The following GABRB1 variants were observed in gnomAD, a reference collection of about 807,000 sequenced individuals.
The protein encoded by GABRB1 is gamma-aminobutyric acid type A receptor subunit beta1, also known as gamma-aminobutyric acid receptor subunit beta-1.
In GABRB1, 17 loss-of-function variants were observed where a neutral mutation model predicts 51.6. That is an observed-to-expected ratio of 0.33 (90% CI 0.23 to 0.49). GABRB1 has a LOEUF of 0.49. Ranked by LOEUF, GABRB1 falls within the 20% of genes least tolerant of loss-of-function variation. The pLI is 0.99. For synonymous variants in GABRB1, 247 were observed against 218.9 expected, an observed-to-expected ratio of 1.13 and a Z score of -1.14; for missense variants, 410 against 600.6, an observed-to-expected ratio of 0.68 and a Z score of 3.32.
chr4:47,298,219 T>C (rs1724091231), intron 4 of GABRB1, among the ~76,000 whole-genome samples: 1 of 152,150 alleles, frequency 6.6e-6, no homozygotes, highest in South Asian at 2.1e-4. Context: ...CTATTCAACA[T>C]AGAGTTGGAA....
chr4:47,136,527 T>A (rs544164314), intron 3 of GABRB1, among the ~76,000 whole-genome samples: 219 of 145,774 alleles, frequency 1.5e-3, no homozygotes, highest in African/African-American at 5.2e-3. Flanking sequence ...TAAAAAAAAA[T>A]ATATAAAAAC....
chr4:47,379,781 T>C (rs1727529866), intron 5 of GABRB1, among the ~76,000 whole-genome samples: 1 of 152,206 alleles, frequency 6.6e-6, no homozygotes, highest in South Asian at 2.1e-4. Context: ...GAATTAGTAA[T>C]ATGAAATAAT....
chr4:47,097,904 T>C (rs1009199042), intron 3 of GABRB1, among the ~76,000 whole-genome samples: 1 of 152,184 alleles, frequency 6.6e-6, no homozygotes, highest in African/African-American at 2.4e-5. Context: ...TCAAGATCTC[T>C]GAGTATTCAA....
In GABRB1 at chr4:47,145,539, G is replaced by GGAGA. The variant is rs144525427; in HGVS notation, c.241-15697_241-15694dup. On this transcript the variant is annotated intron_variant, in intron 3 of 8. Transcript: ENST00000295454. ...AAACTTATCGCCCCAGAAAGAAAAT[G>GGAGA]GAGAGAGAGAGAGAGATTGTTCTGT... 8.6e-5 allele frequency among the ~76,000 whole-genome samples: 13 copies of GGAGA among 151,664 alleles called. 1 individual carries two copies. The highest frequency in any genetic ancestry group is 2.9e-4 in the African/African-American group (12 of 41,428).
intron 4 of GABRB1, among the ~76,000 whole-genome samples, chr4:47,291,015 A>G (rs1295668293): frequency 6.6e-6 from 1 of 152,212 alleles, no homozygotes; most frequent in African/African-American, 2.4e-5. Flanking sequence ...AATTCCCAAG[A>G]CAATGGGGAA....
rs16859924 is a variant in GABRB1 at position 47,141,256 on chromosome 4, C to T, written c.241-19993C>T. Among the ~76,000 whole-genome samples the T allele has an allele frequency of 3.9e-3, 591 of 152,030 alleles. 6 individuals are homozygous for T. Among genetic ancestry groups the T allele is most frequent in the African/African-American group, 0.013 (539 of 41,526 alleles). On this transcript the variant is annotated intron_variant, in intron 3 of 8. Transcript: ENST00000295454. ...AACTTCTCCATTTCTCATCGTTGTT[C>T]CCGTCCATCAGCCTGCTTCATTCTT...
At chr4:47,016,778 C>T (rs561736817) in intron 1 of GABRB1, among the ~76,000 whole-genome samples, 1 of 152,030 alleles carries the variant, frequency 6.6e-6, no homozygotes, top group South Asian at 2.1e-4. Flanking sequence ...TTAGTAGAGA[C>T]AGGGTTTCAC....
intron 5 of GABRB1, among the ~76,000 whole-genome samples, chr4:47,345,772 G>A (rs949180606): frequency 3.3e-5 from 5 of 152,050 alleles, no homozygotes; most frequent in Admixed American, 6.5e-5. Context: ...GGTTATAGTC[G>A]AAATACAGGA....
intron 8 of GABRB1, among the ~76,000 whole-genome samples, chr4:47,414,481 A>G (rs1728852590): frequency 6.6e-6 from 1 of 152,214 alleles, no homozygotes; most frequent in Non-Finnish European, 1.5e-5. Flanking sequence ...GGAGGCAATC[A>G]GATATGCATT....
At chr4:47,300,929 C>T (rs1724236205) in intron 4 of GABRB1, among the ~76,000 whole-genome samples, 1 of 152,134 alleles carries the variant, frequency 6.6e-6, no homozygotes, top group African/African-American at 2.4e-5. Context: ...TTATCTGTCA[C>T]CCAAAGAGTA....
At chr4:47,374,755 G>GT (rs998278484) in intron 5 of GABRB1, among the ~76,000 whole-genome samples, 11 of 151,902 alleles carry the variant, frequency 7.2e-5, no homozygotes, top group East Asian at 1.9e-4. Context: ...CTGAAGGCAA[G>GT]TTTTTTTTTC....
chr4:47,358,562 A>G (rs966362447), intron 5 of GABRB1, among the ~76,000 whole-genome samples: 2 of 152,082 alleles, frequency 1.3e-5, no homozygotes, highest in African/African-American at 4.8e-5. Flanking sequence ...AGGCAGTCTG[A>G]ATGCCAAATT....
At chr4:47,316,556 A>G (rs900640311) in intron 4 of GABRB1, among the ~76,000 whole-genome samples, 3 of 152,016 alleles carry the variant, frequency 2.0e-5, no homozygotes, top group African/African-American at 7.2e-5. Flanking sequence ...CCTATGCCCC[A>G]TGTTAACACA....
chr4:47,259,868 T>A (rs909720266), intron 4 of GABRB1, among the ~76,000 whole-genome samples: 1 of 152,166 alleles, frequency 6.6e-6, no homozygotes, highest in Non-Finnish European at 1.5e-5. Context: ...TATTCCAAAT[T>A]ATAAATAATG....
chr4:47,249,513 C>T (rs1227581208), intron 4 of GABRB1, among the ~76,000 whole-genome samples: 2 of 151,814 alleles, frequency 1.3e-5, no homozygotes, highest in South Asian at 2.1e-4. Flanking sequence ...TCTGTATATG[C>T]CTGTTAATTA....
At chr4:47,417,878 A>G (rs1728979813) in intron 8 of GABRB1, among the ~76,000 whole-genome samples, 1 of 152,236 alleles carries the variant, frequency 6.6e-6, no homozygotes, top group African/African-American at 2.4e-5. Flanking sequence ...CAATTACACT[A>G]AAATGAGTTC....
intron 5 of GABRB1, among the ~76,000 whole-genome samples, chr4:47,398,862 C>T (rs1003034954): frequency 1.3e-5 from 2 of 152,198 alleles, no homozygotes; most frequent in South Asian, 2.1e-4. Flanking sequence ...GCTATCTCGG[C>T]TCACTGCAAG....
intron 3 of GABRB1, among the ~76,000 whole-genome samples, chr4:47,104,883 A>C (rs907957162): frequency 6.6e-6 from 1 of 151,988 alleles, no homozygotes; most frequent in Non-Finnish European, 1.5e-5. Context: ...TCATCTTTTA[A>C]AAAATTCTCT....
At chr4:47,144,168 G>C (rs1037087179) in intron 3 of GABRB1, among the ~76,000 whole-genome samples, 1 of 151,932 alleles carries the variant, frequency 6.6e-6, no homozygotes, top group African/African-American at 2.4e-5. Flanking sequence ...GGTTGACTGA[G>C]TGACTGATAA....
Sources: gnomAD v4.1 joint callset for allele counts (sites outside exome capture counted in the v4.1 genomes callset) on GRCh38, gnomAD v4.1.1 for gene constraint, MANE v1.5 for transcripts, NCBI Gene and HGNC (gene_info 2026-07-23, HGNC 2026-07-21) for gene names.